IL5: variants seen among roughly 807,000 people sequenced by gnomAD.
The protein encoded by IL5 is interleukin-5.
In IL5, 12 loss-of-function variants were observed where a neutral mutation model predicts 16.3. That is an observed-to-expected ratio of 0.74 (90% CI 0.47 to 1.20). The LOEUF (loss-of-function observed/expected upper bound fraction) is 1.20. Among genes scored for constraint, IL5 ranks in the 50% most tolerant of loss-of-function variants. The probability of loss-of-function intolerance (pLI) is 0.00; values close to 1 mark genes in which losing one functional copy is unlikely to be tolerated. For missense variants in IL5, 159 were observed against 153.9 expected, an observed-to-expected ratio of 1.03 and a Z score of -0.17; for synonymous variants, 54 against 56.6, an observed-to-expected ratio of 0.95 and a Z score of 0.21.
upstream of IL5, among the ~76,000 whole-genome samples, chr5:132,547,703 C>A (rs1749815226): frequency 6.6e-6 from 1 of 152,208 alleles, no homozygotes; most frequent in Non-Finnish European, 1.5e-5. Flanking sequence ...GTGCAGGGCA[C>A]ACTGGAATGC....
chr5:132,541,756 G>T lies in IL5; in HGVS notation c.*55C>A. On this transcript the variant is annotated 3_prime_UTR_variant, in exon 4 of 4. Transcript: ENST00000231454. ...CTCTTTCTTGGCCCTCATTCTCACT[G>T]CAGTAAAATGTCCTTCTCCTCCAAA... 1.9e-6 allele frequency: 2 copies of T among 1,077,840 alleles called. No individual in the cohort carries two copies. The highest frequency in any genetic ancestry group is 1.4e-6 in the Non-Finnish European group (1 of 703,646). 66.8% of individuals were successfully genotyped at this position (1,077,840 alleles called of 1,614,324 possible).
chr5:132,543,494 T>A lies in IL5; in HGVS notation c.-16A>T. ...GCATCCTCATGGCTCTGAAACGTTC[T>A]GCGTTTGCCTTTGGCAAAGAAAGTG... On this transcript the variant is annotated 5_prime_UTR_variant, in exon 1 of 4. Coordinates refer to ENST00000231454, the MANE Select transcript of IL5 (RefSeq NM_000879.3). 6.2e-7 allele frequency: 1 copy of A among 1,611,976 alleles called. No individual in the cohort carries two copies. The highest frequency in any genetic ancestry group is 1.7e-4 in the Middle Eastern group (1 of 6,046).
upstream of IL5, chr5:132,543,873 T>G (rs989963388): frequency 2.5e-5 from 4 of 158,360 alleles, no homozygotes; most frequent in African/African-American, 9.6e-5. Flanking sequence ...ATATTGGGAA[T>G]GTTTTTTTCA....
intron 2 of IL5, 136 bp downstream of exon 2, chr5:132,542,958 C>T (rs1250098180): frequency 9.1e-6 from 6 of 662,664 alleles, no homozygotes; most frequent in Non-Finnish European, 1.6e-5. Flanking sequence ...TTTATAAGTA[C>T]AGACATTCAC....
At chr5:132,543,603 C>A (rs901219897), upstream of IL5, 2 of 856,230 alleles carry the variant, frequency 2.3e-6, no homozygotes, top group Non-Finnish European at 3.4e-6. Context: ...TAGAGAATGC[C>A]TAATAATGGC....
At chr5:132,547,026 A>G (rs1023461650), upstream of IL5, among the ~76,000 whole-genome samples, 2 of 150,226 alleles carry the variant, frequency 1.3e-5, no homozygotes, top group African/African-American at 4.8e-5. Context: ...ACTCCATCTC[A>G]AAAAAAAGAA....
At chr5:132,543,221 A>G (rs1021384840) in intron 1 of IL5, 95 bp from the exon 2 acceptor site, 14 of 1,397,684 alleles carry the variant, frequency 1.0e-5, no homozygotes, top group African/African-American at 5.7e-5. Flanking sequence ...TCACCCATGT[A>G]CTAATGTGCT....
At chr5:132,550,591 G>A (rs927329065) in intron 1 of IL5, among the ~76,000 whole-genome samples, 10 of 150,984 alleles carry the variant, frequency 6.6e-5, no homozygotes. Flanking sequence ...CAAAGTGCTG[G>A]GATTACAGGT....
upstream of IL5, among the ~76,000 whole-genome samples, chr5:132,545,629 G>A (rs1403562858): frequency 2.6e-5 from 4 of 152,194 alleles, no homozygotes; most frequent in African/African-American, 4.8e-5. Context: ...ATCAAAGCTG[G>A]TGGGGGTCAC....
intron 1 of IL5, among the ~76,000 whole-genome samples, chr5:132,553,184 GC>G (rs931421647): frequency 6.6e-6 from 1 of 152,072 alleles, no homozygotes. Flanking sequence ...AATAGTCTTT[GC>G]TTTAATGATA....
chr5:132,555,916 TC>T (rs1580972911), intron 1 of IL5: 1 of 152,208 alleles, frequency 6.6e-6, no homozygotes, highest in African/African-American at 2.4e-5. Context: ...AGTAAGACAT[TC>T]CTATATAATT....
upstream of IL5, among the ~76,000 whole-genome samples, chr5:132,547,033 A>G (rs1056541435): frequency 6.6e-6 from 1 of 152,302 alleles, no homozygotes; most frequent in South Asian, 2.1e-4. Flanking sequence ...CTCAAAAAAA[A>G]GAAAGAGCTT....
upstream of IL5, chr5:132,543,534 G>C: frequency 6.6e-7 from 1 of 1,508,914 alleles, no homozygotes; most frequent in Admixed American, 2.2e-5. Flanking sequence ...GTACAAGACT[G>C]CGTCCCCAGT....
chr5:132,549,863 C>G (rs750376990), intron 1 of IL5, among the ~76,000 whole-genome samples: 16 of 152,154 alleles, frequency 1.1e-4, no homozygotes, highest in Admixed American at 6.5e-4. Flanking sequence ...TCTATCCTTT[C>G]AATCTCCCTT....
intron 1 of IL5, among the ~76,000 whole-genome samples, chr5:132,553,920 CAGAG>C (rs574074034): frequency 0.034 from 3,608 of 107,348 alleles, 73 homozygotes; most frequent in Non-Finnish European, 0.045. Context: ...ACCTGGGCAA[CAGAG>C]AGAGACTCCG....
At chr5:132,541,938 A>G in intron 3 of IL5, 29 bp from the exon 4 acceptor site, 13 of 1,611,280 alleles carry the variant, frequency 8.1e-6, no homozygotes, top group Non-Finnish European at 1.0e-5. Flanking sequence ...GACAATAGGT[A>G]TTACAGGAAA....
Position 132,541,889 on chromosome 5 carries a change from T to C in IL5, c.327A>G (p.Arg109=). ...DGQKKKCGEE[R]RRVNQFLDYL... Reference sequence around the variant, plus strand: ...AGTCTAGGAATTGGTTTACTCTCCGTCTTTCTTCTCCACACTTTTTCTGTG... The same window carrying C: ...AGTCTAGGAATTGGTTTACTCTCCGCCTTTCTTCTCCACACTTTTTCTGTG... Residue 109 remains arginine, a synonymous_variant, in exon 4 of 4, where the codon AGA becomes AGG. Coordinates refer to ENST00000231454, the MANE Select transcript of IL5 (RefSeq NM_000879.3). The C allele has an allele frequency of 6.2e-7, 1 of 1,613,892 alleles. No individual in the cohort carries two copies. Among genetic ancestry groups the C allele is most frequent in the Non-Finnish European group, 8.5e-7 (1 of 1,179,796 alleles).
At chr5:132,553,869 G>A (rs528226678) in intron 1 of IL5, among the ~76,000 whole-genome samples, 1 of 149,492 alleles carries the variant, frequency 6.7e-6, no homozygotes, top group African/African-American at 2.5e-5. Flanking sequence ...AACCCGGGAG[G>A]CGGAGCTTCC....
At chr5:132,546,045 C>A (rs1245743886), upstream of IL5, among the ~76,000 whole-genome samples, 1 of 152,072 alleles carries the variant, frequency 6.6e-6, no homozygotes, top group African/African-American at 2.4e-5. Flanking sequence ...GTATAATGTA[C>A]CATTTTGCAG....
Sources: allele counts gnomAD v4.1 joint callset (sites outside exome capture counted in the v4.1 genomes callset), GRCh38; gene constraint gnomAD v4.1.1; transcripts MANE v1.5; gene names NCBI Gene and HGNC (gene_info 2026-07-23, HGNC 2026-07-21).